PIK3AP1: variants seen among roughly 807,000 people sequenced by gnomAD.
The protein encoded by PIK3AP1 is phosphoinositide-3-kinase adaptor protein 1.
A neutral mutation model predicts 88.1 loss-of-function variants in PIK3AP1; 21 were observed. The ratio of observed to expected loss-of-function variants is 0.24; its 90% CI spans 0.17 to 0.34. The LOEUF is 0.34. PIK3AP1 is among the 10% of genes least tolerant of loss of function. PIK3AP1 has a pLI of 1.00. For missense variants in PIK3AP1, 828 were observed against 1,035.7 expected (o/e 0.80, Z 2.75); for synonymous variants, 398 against 400.0 (o/e 1.00, Z 0.06).
chr10:96,626,738 G>T lies in PIK3AP1; in HGVS notation c.1639C>A (p.Leu547Met), dbSNP rs1843158676. ...PETTAPGAHQ[L>M]PDNEPYIFKV... ...AAAATGTATGGTTCGTTGTCAGGCA[G>T]CTGGTGAGCACCAGGAGCAGTGGTC... Residue 547 changes from leucine (L) to methionine (M), a missense_variant, in exon 10 of 17, where the codon CTG (leucine) becomes ATG (methionine). Transcript: ENST00000339364. 2.5e-6 allele frequency: 4 copies of T among 1,614,100 alleles called. No homozygotes were observed. The highest frequency in any genetic ancestry group is 1.1e-5 in the South Asian group (1 of 91,090).
intron 2 of PIK3AP1, among the ~76,000 whole-genome samples, chr10:96,658,962 T>C (rs1457063740): frequency 6.6e-6 from 1 of 152,120 alleles, no homozygotes; most frequent in East Asian, 1.9e-4. Flanking sequence ...GCTGCCGTTT[T>C]CTCTGCTGAA....
At chr10:96,653,632 C>T (rs536455575) in intron 3 of PIK3AP1, among the ~76,000 whole-genome samples, 60 of 151,666 alleles carry the variant, frequency 4.0e-4, no homozygotes, top group Non-Finnish European at 2.7e-4. Context: ...AGATTACAGA[C>T]ACCTGCCACC....
chr10:96,622,199 C>G (rs992157598), intron 11 of PIK3AP1, among the ~76,000 whole-genome samples: 1 of 152,262 alleles, frequency 6.6e-6, no homozygotes, highest in African/African-American at 2.4e-5. Context: ...TGGCTTCCAG[C>G]TGGCTACCCT....
intron 1 of PIK3AP1, among the ~76,000 whole-genome samples, chr10:96,718,644 G>T (rs1844533485): frequency 6.6e-6 from 1 of 152,202 alleles, no homozygotes; most frequent in East Asian, 1.9e-4. Flanking sequence ...ACTGGAGCTC[G>T]CCTTCCTAGC....
rs967127609 is a variant in PIK3AP1, at chr10:96,602,224, A to C, written c.2360+56T>G. 10 of 1,381,422 alleles carry C rather than the reference A, an allele frequency of 7.2e-6. No homozygotes were observed. The African/African-American group carries it at 1.5e-4, about 20-fold the overall frequency. 85.6% of individuals were successfully genotyped at this position (1,381,422 alleles called of 1,614,324 possible). A position where few individuals can be genotyped will look rare whatever the true frequency, so the allele number is the denominator to read the frequency against. ...GTCATCTTAGGTGTTTCCAAGTCCT[A>C]TTCTCCCCTAGGATTCAGAGATAAG... On this transcript the variant is annotated intron_variant, in intron 16 of 16. Transcript: ENST00000339364.
chr10:96,629,004 C>A (rs1843201276), intron 8 of PIK3AP1, among the ~76,000 whole-genome samples: 1 of 149,000 alleles, frequency 6.7e-6, no homozygotes, highest in Admixed American at 6.7e-5. Flanking sequence ...GAACTCCTGG[C>A]CTCAAGCCAT....
intron 8 of PIK3AP1, among the ~76,000 whole-genome samples, chr10:96,643,606 A>G (rs1263048124): frequency 6.6e-6 from 1 of 152,186 alleles, no homozygotes; most frequent in Non-Finnish European, 1.5e-5. Context: ...CTAAAGGAGC[A>G]CCCAATCTGA....
chr10:96,640,900 C>T (rs1843377005), intron 8 of PIK3AP1, among the ~76,000 whole-genome samples: 1 of 152,078 alleles, frequency 6.6e-6, no homozygotes, highest in African/African-American at 2.4e-5. Flanking sequence ...TGGGTTCAAG[C>T]AATCCTCCCG....
intron 10 of PIK3AP1, among the ~76,000 whole-genome samples, chr10:96,626,491 G>A (rs938787521): frequency 2.6e-5 from 4 of 152,180 alleles, no homozygotes; most frequent in African/African-American, 4.8e-5. Flanking sequence ...GCAACTGTGC[G>A]TAAATACTTC....
intron 2 of PIK3AP1, among the ~76,000 whole-genome samples, chr10:96,692,801 A>C (rs764619356): frequency 6.6e-6 from 1 of 152,206 alleles, no homozygotes; most frequent in Non-Finnish European, 1.5e-5. Flanking sequence ...GTGTTAATAT[A>C]ATAAATAAAC....
At chr10:96,687,892 G>C (rs1423152533) in intron 2 of PIK3AP1, among the ~76,000 whole-genome samples, 1 of 152,122 alleles carries the variant, frequency 6.6e-6, no homozygotes, top group Non-Finnish European at 1.5e-5. Flanking sequence ...CCCTGTCCCT[G>C]CTTTATCCTA....
At chr10:96,602,478 C>G in intron 15 of PIK3AP1, 80 bp from the exon 16 acceptor site, 2 of 1,234,358 alleles carry the variant, frequency 1.6e-6, no homozygotes, top group Non-Finnish European at 2.4e-6. Flanking sequence ...ACTCAAAAGC[C>G]CCTTGGTCCT....
chr10:96,600,787 C>T lies in PIK3AP1; in HGVS notation c.2360+1493G>A, dbSNP rs145047544. 1.8e-3 allele frequency among the ~76,000 whole-genome samples: 277 copies of T among 152,340 alleles called. 3 individuals are homozygous for T. Among genetic ancestry groups the T allele is most frequent in the African/African-American group, 6.2e-3 (256 of 41,578 alleles). ...CAAAACCCTGGTTGAAGAAAAGCTTCCTCCTTCCTTATGCCCCATTAACAC... is the reference window on the plus strand; with the variant it reads ...CAAAACCCTGGTTGAAGAAAAGCTTTCTCCTTCCTTATGCCCCATTAACAC... On this transcript the variant is annotated intron_variant, in intron 16 of 16. Coordinates refer to ENST00000339364, the MANE Select transcript of PIK3AP1 (RefSeq NM_152309.3).
intron 16 of PIK3AP1, among the ~76,000 whole-genome samples, chr10:96,600,689 C>T (rs968127253): frequency 6.6e-6 from 1 of 152,238 alleles, no homozygotes; most frequent in Non-Finnish European, 1.5e-5. Context: ...GAAGAAAGAC[C>T]TCCTTGTTGC....
chr10:96,693,959 G>A (rs1844188043), intron 2 of PIK3AP1, among the ~76,000 whole-genome samples: 1 of 152,196 alleles, frequency 6.6e-6, no homozygotes, highest in African/African-American at 2.4e-5. Flanking sequence ...GAAAGCCATA[G>A]TTAACCTGGG....
At chr10:96,638,553 G>A (rs1843344535) in intron 8 of PIK3AP1, among the ~76,000 whole-genome samples, 1 of 152,076 alleles carries the variant, frequency 6.6e-6, no homozygotes, top group African/African-American at 2.4e-5. Context: ...TGGCAATGAA[G>A]AAGGGGCTGC....
At chr10:96,600,065 G>A (rs1047452994) in intron 16 of PIK3AP1, among the ~76,000 whole-genome samples, 4 of 152,036 alleles carry the variant, frequency 2.6e-5, no homozygotes, top group African/African-American at 7.3e-5. Flanking sequence ...TTAGACAACT[G>A]CTTCCAAAGT....
chr10:96,622,408 G>C (rs7071006), intron 11 of PIK3AP1, among the ~76,000 whole-genome samples: 1 of 152,118 alleles, frequency 6.6e-6, no homozygotes, highest in Admixed American at 6.5e-5. Flanking sequence ...AGGCTATTTG[G>C]ATCTAAATTT....
At chr10:96,665,311 C>T (rs1163484888) in intron 2 of PIK3AP1, among the ~76,000 whole-genome samples, 1 of 152,206 alleles carries the variant, frequency 6.6e-6, no homozygotes, top group Non-Finnish European at 1.5e-5. Flanking sequence ...AAGTCTGTCT[C>T]TTCAGAGAAC....
Sources: allele counts gnomAD v4.1 joint callset (sites outside exome capture counted in the v4.1 genomes callset), GRCh38; gene constraint gnomAD v4.1.1; transcripts MANE v1.5; gene names NCBI Gene and HGNC (gene_info 2026-07-23, HGNC 2026-07-21).